Variants in CABIN1 observed in about 807,000 individuals in gnomAD.
The protein encoded by CABIN1 is calcineurin binding protein 1.
Under a neutral mutation model 227.7 loss-of-function variants are expected in CABIN1, and 133 were observed. That is an observed-to-expected ratio of 0.58 (90% confidence interval 0.51 to 0.67). The LOEUF (loss-of-function observed/expected upper bound fraction) is 0.67, where lower values mean the gene tolerates loss of function less well. CABIN1 is among the 30% of genes least tolerant of loss of function. The probability of loss-of-function intolerance (pLI) is 0.00; values close to 1 mark genes in which losing one functional copy is unlikely to be tolerated. For synonymous variants in CABIN1, 1,086 were observed against 1,155.1 expected (o/e 0.94, Z 1.21); for missense variants, 2,408 against 2,852.5 (o/e 0.84, Z 3.55).
chr22:24,128,687 A>G (rs1001422151), intron 28 of CABIN1, among the ~76,000 whole-genome samples: 1 of 152,068 alleles, frequency 6.6e-6, no homozygotes, highest in African/African-American at 2.4e-5. Context: ...TGTTTCCTCC[A>G]TTTGTCATGG....
chr22:24,045,219 C>A (rs974926213), intron 6 of CABIN1, among the ~76,000 whole-genome samples: 22 of 152,234 alleles, frequency 1.4e-4, no homozygotes, highest in Admixed American at 1.3e-3. Context: ...CCACTGCGCC[C>A]AGCCCAGTAT....
At chr22:24,156,106 A>ACTGGGGCCGGGG (rs1309973680) in intron 29 of CABIN1, 2 of 408,846 alleles carry the variant, frequency 4.9e-6, no homozygotes, top group African/African-American at 2.1e-5. Flanking sequence ...GGGGGCCGGG[A>ACTGGGGCCGGGG]CTGGGGCCGG....
At chr22:24,019,650 C>CTTTTTTTTTTT (rs34361694) in intron 1 of CABIN1, among the ~76,000 whole-genome samples, 5 of 87,022 alleles carry the variant, frequency 5.7e-5, no homozygotes, top group African/African-American at 1.0e-4. Context: ...TTTCTTTACC[C>CTTTTTTTTTTT]TTTTTTTTTT....
intron 8 of CABIN1, 108 bp downstream of exon 8, chr22:24,051,082 G>A: frequency 7.1e-7 from 1 of 1,414,120 alleles, no homozygotes; most frequent in Non-Finnish European, 9.9e-7. Flanking sequence ...CTGGGTTGGT[G>A]GTATGAATGG....
chr22:24,022,098 T>C (rs2035766640), intron 1 of CABIN1, among the ~76,000 whole-genome samples: 1 of 152,236 alleles, frequency 6.6e-6, no homozygotes, highest in Non-Finnish European at 1.5e-5. Flanking sequence ...TTTTAACAAA[T>C]TGTATTTCCT....
At chr22:24,176,808 C>A (rs1441497273) in intron 35 of CABIN1, among the ~76,000 whole-genome samples, 1 of 152,256 alleles carries the variant, frequency 6.6e-6, no homozygotes, top group Non-Finnish European at 1.5e-5. Context: ...CTTGGGGACT[C>A]CTCCTGGCCT....
rs566394541 is a variant in CABIN1 at position 24,175,174 on chromosome 22, G to A, written c.6041-937G>A. On this transcript the variant is annotated intron_variant, in intron 34 of 36. Transcript: ENST00000263119. Reference sequence around the variant, plus strand: ...GATGGAACTGTTGAATGACACTGGGGGCAGGGGGCGAGGGGGTGGAGGCTT... The same window carrying A: ...GATGGAACTGTTGAATGACACTGGGAGCAGGGGGCGAGGGGGTGGAGGCTT... 3.9e-5 allele frequency among the ~76,000 whole-genome samples: 6 copies of A among 152,350 alleles called. No individual in the cohort carries two copies. The South Asian group carries it at 1.2e-3, about 32-fold the overall frequency.
chr22:24,171,848 A>G lies in CABIN1; in HGVS notation c.5893A>G (p.Lys1965Glu). The change falls in exon 34 of 37, where the codon AAG (lysine) becomes GAG (glutamate). Residue 1965 changes from lysine to glutamate, a missense_variant. Around this residue, in one of 3 missense-constraint regions of CABIN1, gnomAD observed 714 missense variants for 773.8 expected, o/e 0.92. Coordinates refer to ENST00000263119, the MANE Select transcript of CABIN1 (RefSeq NM_012295.4). Reference protein sequence around the residue: ...SVQRPSDAHTKPRPALAAATT... With the variant: ...SVQRPSDAHTEPRPALAAATT... Reference sequence around the variant, plus strand: ...CCAGCGGCCCAGTGATGCTCACACCAAGCCTCGCCCTGCACTAGCTGCCGC... The same window carrying G: ...CCAGCGGCCCAGTGATGCTCACACCGAGCCTCGCCCTGCACTAGCTGCCGC... 6.2e-7 allele frequency: 1 copy of G among 1,614,058 alleles called. No homozygotes were observed. The highest frequency in any genetic ancestry group is 8.5e-7 in the Non-Finnish European group (1 of 1,180,032).
chr22:24,100,126 C>T (rs113329371), intron 26 of CABIN1, among the ~76,000 whole-genome samples: 2,090 of 152,258 alleles, frequency 0.014, 45 homozygotes, highest in African/African-American at 0.047. Context: ...TCAGTGGTTG[C>T]ACAGTTTTGA....
intron 1 of CABIN1, among the ~76,000 whole-genome samples, chr22:24,013,233 G>A (rs558269935): frequency 1.8e-5 from 2 of 112,272 alleles, no homozygotes; most frequent in East Asian, 2.6e-4. Flanking sequence ...AGTCTCGCCT[G>A]TGGCCCAGGC....
At position 24,084,682 on chromosome 22, in the gene CABIN1, TG is replaced by T; in HGVS notation, c.3016del (p.Ala1006ProfsTer4). ...SYKTSTVSAD[L>X]ANLLKRIATI... is the part of the protein sequence containing the mutation. ...AAGACCAGCACCGTGTCTGCTGACT[TG>T]GCCAACCTACTGAAGAGAATTGCCA... On this transcript the variant is annotated frameshift_variant, in exon 21 of 37. Coordinates refer to ENST00000263119, the MANE Select transcript of CABIN1 (RefSeq NM_012295.4). LOFTEE classifies it high-confidence loss of function. 1 of 1,614,230 alleles carries T rather than the reference TG, an allele frequency of 6.2e-7. No homozygotes were observed. Among genetic ancestry groups the T allele is most frequent in the Non-Finnish European group, 8.5e-7 (1 of 1,180,046 alleles).
At chr22:24,057,125 AC>A (rs2038861681) in intron 10 of CABIN1, among the ~76,000 whole-genome samples, 1 of 151,906 alleles carries the variant, frequency 6.6e-6, no homozygotes, top group African/African-American at 2.4e-5. Flanking sequence ...TTTGGTAGAG[AC>A]GGGGTTTCAC....
In CABIN1 at chr22:24,083,095, G is replaced by A. The variant is rs911280897; in HGVS notation, c.2749-133G>A. On this transcript the variant is annotated intron_variant, in intron 19 of 36. Transcript: ENST00000263119. The stretch of plus-strand genomic sequence containing the variant: ...ACAGGTGTTTTTGGAATCAAGTCAT[G>A]CAGGAGCCCAACAGACATAGCCACC... The A allele has an allele frequency of 1.2e-5, 10 of 862,864 alleles. No homozygotes were observed. The African/African-American group carries it at 1.7e-4, about 14-fold the overall frequency. 53.5% of individuals were successfully genotyped at this position (862,864 alleles called of 1,614,324 possible). A position where few individuals can be genotyped will look rare whatever the true frequency, so the allele number is the denominator to read the frequency against.
At chr22:24,065,549 C>T (rs2039574925) in intron 15 of CABIN1, among the ~76,000 whole-genome samples, 3 of 150,928 alleles carry the variant, frequency 2.0e-5, no homozygotes, top group Admixed American at 6.6e-5. Flanking sequence ...GGGCTCCTCA[C>T]ATCCCAGACG....
At position 24,119,507 on chromosome 22, in the gene CABIN1, A is replaced by T. The variant is rs574052766; in HGVS notation, c.4441A>T (p.Lys1481Ter). Residue 1481 changes from lysine to a stop codon, truncating the protein, a stop_gained, in exon 28 of 37, where the codon AAG (lysine) becomes TAG (stop). Transcript: ENST00000263119. LOFTEE classifies it high-confidence loss of function. Reference sequence around the variant, plus strand: ...ATCCACACCCACCCTGTGGGATGGGAAGAAGAGAGGGGACCTCCCAGGGGA... The same window carrying T: ...ATCCACACCCACCCTGTGGGATGGGTAGAAGAGAGGGGACCTCCCAGGGGA... Reference protein sequence around the residue: ...SASTPTLWDGKKRGDLPGEPV... With the variant: ...SASTPTLWDG The T allele has an allele frequency of 1.9e-6, 3 of 1,613,968 alleles. No homozygotes were observed. The South Asian group carries it at 3.3e-5, about 18-fold the overall frequency.
At chr22:24,153,649 C>G (rs541966973) in intron 29 of CABIN1, among the ~76,000 whole-genome samples, 2 of 152,294 alleles carry the variant, frequency 1.3e-5, no homozygotes, top group Admixed American at 1.3e-4. Context: ...TTTTACCTGT[C>G]AGACATGGCA....
chr22:24,096,661 C>T (rs750066487), intron 25 of CABIN1, among the ~76,000 whole-genome samples: 1 of 152,186 alleles, frequency 6.6e-6, no homozygotes, highest in Non-Finnish European at 1.5e-5. Context: ...CTGGTGCCGC[C>T]CCATCCTCAG....
chr22:24,113,812 C>T lies in CABIN1; in HGVS notation c.4300+64C>T, dbSNP rs1007907257. Reference sequence around the variant, plus strand: ...TGTCCTGTGGCAATCTGGGCAAAGCCGAAGGCTTCGTGGCCCAGGGACCTT... The same window carrying T: ...TGTCCTGTGGCAATCTGGGCAAAGCTGAAGGCTTCGTGGCCCAGGGACCTT... On this transcript the variant is annotated intron_variant, in intron 27 of 36. Transcript: ENST00000263119. The T allele has an allele frequency of 3.4e-5, 54 of 1,577,602 alleles. No individual in the cohort carries two copies. In the African/African-American group the frequency reaches 4.6e-4, roughly 13 times the overall value.
rs145930436 is a variant in CABIN1, at chr22:24,110,452, A to G, written c.4118-3114A>G. Among the ~76,000 whole-genome samples, 396 of 152,342 alleles carry G rather than the reference A, an allele frequency of 2.6e-3. 6 individuals are homozygous for G. The South Asian group carries it at 0.035, about 13-fold the overall frequency. On this transcript the variant is annotated intron_variant, in intron 26 of 36. Transcript: ENST00000263119. Reference sequence around the variant, plus strand: ...CAATAATGTTTTAGAAAAATCGAACATAAAAAGATCTTTTATATTTACCAT... The same window carrying G: ...CAATAATGTTTTAGAAAAATCGAACGTAAAAAGATCTTTTATATTTACCAT...
Sources: gnomAD v4.1 joint callset for allele counts (sites outside exome capture counted in the v4.1 genomes callset) on GRCh38, gnomAD v4.1.1 for gene constraint, gnomAD v4.1.1 regional missense constraint, MANE v1.5 for transcripts, NCBI Gene and HGNC (gene_info 2026-07-23, HGNC 2026-07-21) for gene names.